ZHX3: variants seen among roughly 807,000 people sequenced by gnomAD.
ZHX3 encodes zinc fingers and homeoboxes 3, also known as zinc fingers and homeoboxes protein 3.
Under a neutral mutation model 64.5 loss-of-function variants are expected in ZHX3, and 20 were observed. The ratio of observed to expected loss-of-function variants is 0.31; its 90% CI spans 0.22 to 0.45. The LOEUF is 0.45. Ranked by LOEUF, ZHX3 falls within the 20% of genes least tolerant of loss-of-function variation. The pLI, the probability that ZHX3 is intolerant of heterozygous loss-of-function variation, is 1.00. For missense variants in ZHX3, 1,041 were observed against 1,195.8 expected, an observed-to-expected ratio of 0.87 and a Z score of 1.91; for synonymous variants, 423 against 461.6, an observed-to-expected ratio of 0.92 and a Z score of 1.07.
intron 2 of ZHX3, among the ~76,000 whole-genome samples, chr20:41,222,659 C>T (rs2040021811): frequency 6.6e-6 from 1 of 152,106 alleles, no homozygotes; most frequent in Non-Finnish European, 1.5e-5. Context: ...TGTGAGACAG[C>T]GCCTTTCAAA....
At position 41,228,309 on chromosome 20, in the gene ZHX3, T is replaced by TG. The variant is rs1321141814; in HGVS notation, c.-150-23244dup. Among the ~76,000 whole-genome samples, 13 of 152,324 alleles carry TG rather than the reference T, an allele frequency of 8.5e-5. No individual in the cohort carries two copies. The highest frequency in any genetic ancestry group is 3.1e-4 in the African/African-American group (13 of 41,574). On this transcript the variant is annotated intron_variant, in intron 2 of 3. Transcript: ENST00000683867. The surrounding 1 kb of genome is among the most constrained non-coding windows in gnomAD (Gnocchi z 4.6). Reference sequence around the variant, plus strand: ...CATAAATTTCTGGCTCCGTTGACCCTGGCACTCACCCTTCCAAAAAACGAA... The same window carrying TG: ...CATAAATTTCTGGCTCCGTTGACCCTGGGCACTCACCCTTCCAAAAAACGAA...
At chr20:41,260,556 G>A (rs1031193562) in intron 2 of ZHX3, among the ~76,000 whole-genome samples, 1 of 152,120 alleles carries the variant, frequency 6.6e-6, no homozygotes, top group African/African-American at 2.4e-5. Flanking sequence ...CCCAAGATTT[G>A]CCTACTTCTA....
At position 41,267,894 on chromosome 20, in the gene ZHX3, C is replaced by T. The variant is rs144662557; in HGVS notation, c.-151+1096G>A. ...GAGAGTGAGCACTAGGAGATGTGTACGTAAGAAACTTGTCTTATGACATTT... is the reference window on the plus strand; with the variant it reads ...GAGAGTGAGCACTAGGAGATGTGTATGTAAGAAACTTGTCTTATGACATTT... On this transcript the variant is annotated intron_variant, in intron 2 of 3. Transcript: ENST00000683867. Among the ~76,000 whole-genome samples, 124 of 152,190 alleles carry T rather than the reference C, an allele frequency of 8.1e-4. 3 individuals carry two copies. In the East Asian group the frequency reaches 0.015, roughly 19 times the overall value.
intron 1 of ZHX3, among the ~76,000 whole-genome samples, chr20:41,305,169 C>A (rs771846926): frequency 4.6e-5 from 7 of 152,178 alleles, no homozygotes; most frequent in Non-Finnish European, 1.0e-4. Flanking sequence ...CAAAAAATAC[C>A]TACAACGAAA....
chr20:41,235,299 C>A (rs1456085892), intron 2 of ZHX3, among the ~76,000 whole-genome samples: 1 of 152,024 alleles, frequency 6.6e-6, no homozygotes, highest in African/African-American at 2.4e-5. Flanking sequence ...GATACTAAAG[C>A]CTGGCAGAGA....
At chr20:41,310,934 G>A (rs1568968546) in intron 1 of ZHX3, among the ~76,000 whole-genome samples, 1 of 149,352 alleles carries the variant, frequency 6.7e-6, no homozygotes, top group African/African-American at 2.5e-5. Context: ...TCAGCCTCCT[G>A]AGTAGCTGGG....
chr20:41,261,239 G>A (rs916912792), intron 2 of ZHX3, among the ~76,000 whole-genome samples: 1 of 152,106 alleles, frequency 6.6e-6, no homozygotes. Flanking sequence ...ATCTAGTAGA[G>A]TTATTTTTTA....
In ZHX3 at chr20:41,269,083, C is replaced by T. The variant is rs2043000561; in HGVS notation, c.-244G>A. ...GTTGCTTCTGCAGTTGCATTTCAGTCCTATAAAAGAAGCAGCACATCATCA... is the reference window on the plus strand; with the variant it reads ...GTTGCTTCTGCAGTTGCATTTCAGTTCTATAAAAGAAGCAGCACATCATCA... On this transcript the variant is annotated splice_region_variant and 5_prime_UTR_variant, in exon 2 of 4. Coordinates refer to ENST00000683867, the MANE Select transcript of ZHX3 (RefSeq NM_001384317.1). 1 of 152,162 alleles carries T rather than the reference C, an allele frequency of 6.6e-6. No homozygotes were observed. The highest frequency in any genetic ancestry group is 1.5e-5 in the Non-Finnish European group (1 of 68,030). 9.4% of individuals were successfully genotyped at this position (152,162 alleles called of 1,614,324 possible).
chr20:41,311,848 C>T (rs191074288), intron 1 of ZHX3, among the ~76,000 whole-genome samples: 23 of 152,294 alleles, frequency 1.5e-4, no homozygotes, highest in African/African-American at 4.6e-4. Context: ...CTGGTACATA[C>T]GAATTCTCGA....
chr20:41,302,850 T>C (rs1025177535), intron 1 of ZHX3, among the ~76,000 whole-genome samples: 15 of 152,318 alleles, frequency 9.8e-5, no homozygotes, highest in African/African-American at 3.6e-4. Flanking sequence ...ATGTCTACTG[T>C]TTTAAGCCAC....
chr20:41,194,824 T>A (rs2037348813), intron 3 of ZHX3, among the ~76,000 whole-genome samples: 1 of 152,220 alleles, frequency 6.6e-6, no homozygotes, highest in African/African-American at 2.4e-5. Context: ...ACCCAATTTA[T>A]TGGCACATAA....
At position 41,201,081 on chromosome 20, in the gene ZHX3, T is replaced by C. The variant is rs557034660; in HGVS notation, c.2860+976A>G. 4.7e-4 allele frequency among the ~76,000 whole-genome samples: 72 copies of C among 152,086 alleles called. No individual in the cohort carries two copies. Among genetic ancestry groups the C allele is most frequent in the African/African-American group, 1.6e-3 (68 of 41,492 alleles). ...ATTTCTGAGGGATAGGCCACTATGG[T>C]TGGCCCTGGGGATGAGGTACCAAAC... is the stretch of plus-strand genomic sequence containing the variant. On this transcript the variant is annotated intron_variant, in intron 3 of 3. Coordinates refer to ENST00000683867, the MANE Select transcript of ZHX3 (RefSeq NM_001384317.1). The surrounding 1 kb of genome is among the most constrained non-coding windows in gnomAD (Gnocchi z 5.0).
chr20:41,250,114 C>G (rs1270893248), intron 2 of ZHX3, among the ~76,000 whole-genome samples: 1 of 152,206 alleles, frequency 6.6e-6, no homozygotes, highest in Non-Finnish European at 1.5e-5. Flanking sequence ...GAGACTCCCT[C>G]CTCTACCTAG....
At chr20:41,306,895 T>G (rs1260829230) in intron 1 of ZHX3, among the ~76,000 whole-genome samples, 4 of 152,168 alleles carry the variant, frequency 2.6e-5, no homozygotes, top group Non-Finnish European at 4.4e-5. Flanking sequence ...TGGAAGAGCC[T>G]TAACATGGGA....
chr20:41,237,416 T>C (rs537306886), intron 2 of ZHX3, among the ~76,000 whole-genome samples: 2 of 152,322 alleles, frequency 1.3e-5, no homozygotes, highest in South Asian at 4.1e-4. Context: ...ATATACACCA[T>C]GGAATACTAT....
At chr20:41,238,930 C>T (rs549545490) in intron 2 of ZHX3, 2 of 149,438 alleles carry the variant, frequency 1.3e-5, no homozygotes, top group East Asian at 2.0e-4. Flanking sequence ...GAAAGTTCAG[C>T]GGCTTCAGGT....
In ZHX3 at chr20:41,268,992, CA is replaced by C. The variant is rs2042997357; in HGVS notation, c.-154del. The C allele has an allele frequency of 6.6e-6, 1 of 152,182 alleles. No homozygotes were observed. Among genetic ancestry groups the C allele is most frequent in the Admixed American group, 6.5e-5 (1 of 15,284 alleles). 9.4% of individuals were successfully genotyped at this position (152,182 alleles called of 1,614,324 possible). ...CAAGAAACATACTTTTTCCTTACTTCATTGTTTTTTTCCAGTTTCCCTCTTC... is the reference window on the plus strand; with the variant it reads ...CAAGAAACATACTTTTTCCTTACTTCTTGTTTTTTTCCAGTTTCCCTCTTC... On this transcript the variant is annotated 5_prime_UTR_variant, in exon 2 of 4. It removes an upstream start codon present in the reference 5' UTR. Transcript: ENST00000683867.
At chr20:41,302,052 T>TAAAA (rs2044835689) in intron 1 of ZHX3, among the ~76,000 whole-genome samples, 1 of 32,486 alleles carries the variant, frequency 3.1e-5, no homozygotes, top group East Asian at 3.1e-3. Flanking sequence ...AGACTCCATC[T>TAAAA]CAAAAAAAAA....
At chr20:41,309,720 C>A (rs539318220) in intron 1 of ZHX3, among the ~76,000 whole-genome samples, 4 of 152,164 alleles carry the variant, frequency 2.6e-5, no homozygotes, top group Non-Finnish European at 5.9e-5. Context: ...GATCTCCAAC[C>A]CCACCCCATT....
Sources: gnomAD v4.1 joint callset for allele counts (sites outside exome capture counted in the v4.1 genomes callset) on GRCh38, gnomAD v4.1.1 for gene constraint, Gnocchi (gnomAD v3.1) non-coding constraint, MANE v1.5 for transcripts, NCBI Gene and HGNC (gene_info 2026-07-23, HGNC 2026-07-21) for gene names.